Variants in SNAP91 observed in about 807,000 individuals in gnomAD.
The protein encoded by SNAP91 is synaptosome associated protein 91.
SNAP91 carries 27 observed loss-of-function variants against 100.3 expected under a neutral mutation model. That is an observed-to-expected ratio of 0.27 (90% CI 0.20 to 0.37). The LOEUF is 0.37. Among genes scored for constraint, SNAP91 ranks in the 10% least tolerant of loss-of-function variants. The pLI is 1.00. For missense variants in SNAP91, 986 were observed against 1,123.7 expected (o/e 0.88, Z 1.75); for synonymous variants, 404 against 398.6 (o/e 1.01, Z -0.16).
intron 16 of SNAP91, among the ~76,000 whole-genome samples, chr6:83,599,976 G>C (rs1056482366): frequency 8.6e-5 from 13 of 152,044 alleles, no homozygotes; most frequent in Admixed American, 7.2e-4. Context: ...GCAGAGACAA[G>C]GTCTCACTAT....
At chr6:83,648,261 A>C (rs1259454810) in intron 7 of SNAP91, among the ~76,000 whole-genome samples, 1 of 152,184 alleles carries the variant, frequency 6.6e-6, no homozygotes. Context: ...TTTGAAATTC[A>C]TTTATGTTAT....
intron 7 of SNAP91, among the ~76,000 whole-genome samples, chr6:83,653,394 A>G (rs1194212103): frequency 6.6e-6 from 1 of 152,110 alleles, no homozygotes; most frequent in Non-Finnish European, 1.5e-5. Context: ...GTAAGCTTAA[A>G]GATTGTTTCC....
intron 8 of SNAP91, among the ~76,000 whole-genome samples, chr6:83,637,809 T>G (rs760290735): frequency 6.6e-6 from 1 of 152,214 alleles, no homozygotes; most frequent in Non-Finnish European, 1.5e-5. Context: ...TTCCTCCACT[T>G]GAGCTCAGGC....
intron 23 of SNAP91, 94 bp from the exon 24 acceptor site, chr6:83,580,693 C>A: frequency 8.6e-7 from 1 of 1,166,712 alleles, no homozygotes; most frequent in Non-Finnish European, 1.2e-6. Context: ...ACTATGGAAA[C>A]AAGTGAATAT....
At position 83,582,214 on chromosome 6, in the gene SNAP91, T is replaced by C. The variant is rs377703742; in HGVS notation, c.2149+8A>G. 1.9e-6 allele frequency: 3 copies of C among 1,613,396 alleles called. No homozygotes were observed. Among genetic ancestry groups the C allele is most frequent in the African/African-American group, 2.7e-5 (2 of 74,892 alleles). On this transcript the variant is annotated splice_region_variant and intron_variant, in intron 23 of 29. Transcript: ENST00000369694. The stretch of plus-strand genomic sequence containing the variant: ...CATGAAAAGAATGTTTGAAAGTCAC[T>C]GCCTCACCTGATGGATCAAAGGAGC...
chr6:83,663,282 C>T (rs1179657133), intron 3 of SNAP91, among the ~76,000 whole-genome samples: 3 of 152,138 alleles, frequency 2.0e-5, no homozygotes, highest in Non-Finnish European at 4.4e-5. Flanking sequence ...TCACACATCT[C>T]TCACTTTAAG....
intron 11 of SNAP91, among the ~76,000 whole-genome samples, chr6:83,611,650 T>C (rs1004963321): frequency 2.6e-5 from 4 of 152,012 alleles, no homozygotes; most frequent in African/African-American, 7.2e-5. Flanking sequence ...TGAATTTTTG[T>C]CTTATTGGAT....
intron 2 of SNAP91, among the ~76,000 whole-genome samples, chr6:83,679,594 G>T (rs888614839): frequency 6.6e-6 from 1 of 152,056 alleles, no homozygotes; most frequent in African/African-American, 2.4e-5. Context: ...CCTTGACCAG[G>T]CCAACCCGTT....
intron 25 of SNAP91, 67 bp from the exon 26 acceptor site, chr6:83,575,188 G>C: frequency 9.4e-7 from 1 of 1,067,438 alleles, no homozygotes; most frequent in Non-Finnish European, 1.4e-6. Flanking sequence ...ATGGTGTGTG[G>C]CTCCTTAGAT....
chr6:83,553,006 A>T lies in SNAP91; in HGVS notation c.*1290T>A, dbSNP rs756290093. On this transcript the variant is annotated 3_prime_UTR_variant, in exon 30 of 30. Transcript: ENST00000369694. The stretch of plus-strand genomic sequence containing the variant: ...GTTTTAGGTAATTTTTCCCCATTAC[A>T]GTGTATGTTATCCCCACAGTAAATT... The T allele has an allele frequency of 6.6e-6, 1 of 152,620 alleles. No individual in the cohort carries two copies. The highest frequency in any genetic ancestry group is 2.4e-5 in the African/African-American group (1 of 41,460). The allele number at this position is 152,620 out of a possible 1,614,324, so 9.5% of individuals were successfully genotyped here.
At chr6:83,698,677 T>G (rs1330138312) in intron 2 of SNAP91, among the ~76,000 whole-genome samples, 1 of 152,216 alleles carries the variant, frequency 6.6e-6, no homozygotes, top group Admixed American at 6.5e-5. Flanking sequence ...TTTGTAAGCA[T>G]AGCTTTCCCC....
intron 7 of SNAP91, among the ~76,000 whole-genome samples, chr6:83,645,991 G>A (rs1407615735): frequency 6.6e-6 from 1 of 152,142 alleles, no homozygotes; most frequent in Non-Finnish European, 1.5e-5. Context: ...GATTGATATT[G>A]CATTTCCTTT....
intron 8 of SNAP91, among the ~76,000 whole-genome samples, chr6:83,639,684 C>T (rs528595591): frequency 6.6e-6 from 1 of 152,208 alleles, no homozygotes; most frequent in South Asian, 2.1e-4. Flanking sequence ...TCATGGGAAT[C>T]ATGAGCCCAG....
At chr6:83,690,035 C>T (rs750241398) in intron 2 of SNAP91, among the ~76,000 whole-genome samples, 36 of 151,564 alleles carry the variant, frequency 2.4e-4, no homozygotes, top group Non-Finnish European at 4.1e-4. Context: ...TTTTCCTATT[C>T]GACCCTTTTG....
chr6:83,701,000 T>C (rs756876096), intron 2 of SNAP91, among the ~76,000 whole-genome samples: 19 of 152,128 alleles, frequency 1.2e-4, no homozygotes, highest in Non-Finnish European at 2.4e-4. Context: ...TGGCATCCGA[T>C]AGCAATTCTA....
intron 2 of SNAP91, chr6:83,690,350 T>C (rs1019422888): frequency 1.6e-6 from 2 of 1,287,424 alleles, no homozygotes; most frequent in East Asian, 5.6e-5. Flanking sequence ...GATCTCCTCA[T>C]ACTTTGGTTG....
intron 12 of SNAP91, among the ~76,000 whole-genome samples, chr6:83,609,631 A>G (rs1480440525): frequency 6.6e-6 from 1 of 152,226 alleles, no homozygotes; most frequent in Non-Finnish European, 1.5e-5. Flanking sequence ...ATACAATGGT[A>G]AATGTGAACT....
intron 23 of SNAP91, among the ~76,000 whole-genome samples, chr6:83,581,661 T>C (rs149315114): frequency 6.6e-6 from 1 of 152,222 alleles, no homozygotes; most frequent in Non-Finnish European, 1.5e-5. Flanking sequence ...AGGGTGTTTC[T>C]GAAACACATT....
chr6:83,572,010 C>A (rs1808724424), intron 26 of SNAP91, among the ~76,000 whole-genome samples: 1 of 152,150 alleles, frequency 6.6e-6, no homozygotes, highest in Non-Finnish European at 1.5e-5. Context: ...ATGACTTGCT[C>A]CTCCTTGTCT....
Sources: allele counts gnomAD v4.1 joint callset (sites outside exome capture counted in the v4.1 genomes callset), GRCh38; gene constraint gnomAD v4.1.1; transcripts MANE v1.5; gene names NCBI Gene and HGNC (gene_info 2026-07-23, HGNC 2026-07-21).